The following GIGYF2 variants were observed in gnomAD, a reference collection of about 807,000 sequenced individuals.
GIGYF2 encodes the protein GRB10 interacting GYF protein 2.
In GIGYF2, 25 loss-of-function variants were observed where a neutral mutation model predicts 208.1. That is an observed-to-expected ratio of 0.12 (90% CI 0.09 to 0.17). GIGYF2 has a LOEUF of 0.17. Ranked by LOEUF, GIGYF2 falls within the 10% of genes least tolerant of loss-of-function variation. GIGYF2 has a pLI of 1.00. For synonymous variants in GIGYF2, 534 were observed against 543.8 expected, an observed-to-expected ratio of 0.98 and a Z score of 0.25; for missense variants, 1,302 against 1,579.4, an observed-to-expected ratio of 0.82 and a Z score of 2.98.
intron 3 of GIGYF2, among the ~76,000 whole-genome samples, chr2:232,745,649 G>A (rs1325960813): frequency 1.3e-5 from 2 of 152,130 alleles, no homozygotes; most frequent in Admixed American, 1.3e-4. Flanking sequence ...TAGTATAAGA[G>A]GAAAATTTAT....
chr2:232,713,877 A>G (rs1382337582), intron 2 of GIGYF2, among the ~76,000 whole-genome samples: 2 of 152,036 alleles, frequency 1.3e-5, no homozygotes, highest in Non-Finnish European at 2.9e-5. Context: ...GTTGACCTTC[A>G]TACTTTGCTA....
intron 8 of GIGYF2, among the ~76,000 whole-genome samples, chr2:232,762,226 CTTTT>C (rs536168638): frequency 2.2e-5 from 2 of 92,888 alleles, no homozygotes; most frequent in African/African-American, 3.9e-5. Flanking sequence ...TTAATCATGT[CTTTT>C]TTTTTTTGTT....
At chr2:232,854,190 C>G (rs1421670361) in intron 28 of GIGYF2, among the ~76,000 whole-genome samples, 1 of 152,128 alleles carries the variant, frequency 6.6e-6, no homozygotes, top group East Asian at 1.9e-4. Flanking sequence ...TTAACTGTTA[C>G]TTTAAAAACA....
intron 12 of GIGYF2, among the ~76,000 whole-genome samples, chr2:232,792,373 T>G (rs1342864907): frequency 6.6e-6 from 1 of 152,212 alleles, no homozygotes; most frequent in Non-Finnish European, 1.5e-5. Context: ...TAGACTAATA[T>G]TTTGAGAGCT....
At chr2:232,751,990 G>T (rs1698349783) in intron 5 of GIGYF2, among the ~76,000 whole-genome samples, 1 of 152,168 alleles carries the variant, frequency 6.6e-6, no homozygotes, top group Admixed American at 6.5e-5. Flanking sequence ...TTGTTCTTAT[G>T]ATAGAAATAT....
intron 2 of GIGYF2, among the ~76,000 whole-genome samples, chr2:232,703,730 A>G (rs976182449): frequency 2.4e-4 from 36 of 152,316 alleles, no homozygotes; most frequent in African/African-American, 8.7e-4. Flanking sequence ...GGCAAGAAAC[A>G]AGGAGGAATG....
Position 232,806,754 on chromosome 2 carries a change from T to C in GIGYF2, c.1806+97T>C. 2.3e-6 allele frequency: 2 copies of C among 853,634 alleles called. No individual in the cohort carries two copies. Among genetic ancestry groups the C allele is most frequent in the Non-Finnish European group, 4.0e-6 (2 of 494,382 alleles). 52.9% of individuals were successfully genotyped at this position (853,634 alleles called of 1,614,324 possible). On this transcript the variant is annotated intron_variant, in intron 15 of 28. Coordinates refer to ENST00000373563, the MANE Select transcript of GIGYF2 (RefSeq NM_001103146.3). This position sits in a 1 kb window ranked among gnomAD's most constrained non-coding sequence, Gnocchi z 4.0. ...CCAAATATATCATCTAATGAAGGAA[T>C]TGTAGTTCTTTGAAATTAATGGAAA...
intron 22 of GIGYF2, among the ~76,000 whole-genome samples, chr2:232,835,862 C>T (rs1320885304): frequency 6.6e-6 from 1 of 152,066 alleles, no homozygotes; most frequent in African/African-American, 2.4e-5. Context: ...GTTCTTAACC[C>T]ATTTCCCGTT....
At chr2:232,786,363 G>A (rs1699908087) in intron 8 of GIGYF2, among the ~76,000 whole-genome samples, 1 of 152,098 alleles carries the variant, frequency 6.6e-6, no homozygotes, top group African/African-American at 2.4e-5. Flanking sequence ...TCAGCCTCCT[G>A]AGTAGCTGGG....
At position 232,836,296 on chromosome 2, in the gene GIGYF2, AT is replaced by A. The variant is rs1559160429; in HGVS notation, c.2766+3204del. Among the ~76,000 whole-genome samples the A allele has an allele frequency of 1.9e-3, 38 of 19,572 alleles. 7 individuals carry two copies. Among genetic ancestry groups the A allele is most frequent in the African/African-American group, 3.1e-3 (16 of 5,228 alleles). 12.8% of individuals were successfully genotyped at this position (19,572 alleles called of 152,430 possible). On this transcript the variant is annotated intron_variant, in intron 22 of 28. Transcript: ENST00000373563. The stretch of plus-strand genomic sequence containing the variant: ...TATATATATATATATATATATATAT[AT>A]ATATATATATATATATATATATATA...
intron 2 of GIGYF2, among the ~76,000 whole-genome samples, chr2:232,706,653 C>A (rs1696125809): frequency 6.6e-6 from 1 of 152,044 alleles, no homozygotes; most frequent in Non-Finnish European, 1.5e-5. Context: ...TGGCACGTGC[C>A]TGTAGTCTCA....
At chr2:232,776,675 G>A (rs1699528766) in intron 8 of GIGYF2, 1 of 553,004 alleles carries the variant, frequency 1.8e-6, no homozygotes, top group Non-Finnish European at 3.2e-6. Flanking sequence ...CTCTGATCAT[G>A]TGGAAAAGAA....
intron 8 of GIGYF2, among the ~76,000 whole-genome samples, chr2:232,773,494 G>A (rs1460720840): frequency 9.2e-5 from 14 of 151,944 alleles, no homozygotes; most frequent in Admixed American, 7.9e-4. Context: ...TACAGGAAGC[G>A]TTTGGTGAAA....
rs750073716 is a variant in GIGYF2 at position 232,816,946 on chromosome 2, C to CGAA, written c.2287_2289dup (p.Arg763dup). On this transcript the variant is annotated inframe_insertion, in exon 20 of 29. Coordinates refer to ENST00000373563, the MANE Select transcript of GIGYF2 (RefSeq NM_001103146.3). The stretch of plus-strand genomic sequence containing the variant: ...AGAGCGAAAGAGGCAGGAAGAACTC[C>CGAA]GAAGACAACAGGAGGAAATTCTTCG... The CGAA allele has an allele frequency of 1.2e-6, 2 of 1,611,848 alleles. No homozygotes were observed. Among genetic ancestry groups the CGAA allele is most frequent in the Admixed American group, 3.3e-5 (2 of 59,976 alleles).
chr2:232,802,898 ATT>A lies in GIGYF2; in HGVS notation c.1640-3576_1640-3575del, dbSNP rs35474409. On this transcript the variant is annotated intron_variant, in intron 14 of 28. Transcript: ENST00000373563. The stretch of plus-strand genomic sequence containing the variant: ...GGGCAGGGCTTTCCTTTGTCCAGAG[ATT>A]TTTTTTTTTTTTTTTTAAAGACAGA... 1.4e-3 allele frequency among the ~76,000 whole-genome samples: 198 copies of A among 143,714 alleles called. 2 individuals carry two copies. The highest frequency in any genetic ancestry group is 4.0e-3 in the African/African-American group (157 of 38,916). 94.3% of individuals were successfully genotyped at this position (143,714 alleles called of 152,430 possible). A position where few individuals can be genotyped will look rare whatever the true frequency, so the allele number is the denominator to read the frequency against.
intron 5 of GIGYF2, among the ~76,000 whole-genome samples, chr2:232,753,791 T>A (rs776693207): frequency 9.2e-5 from 14 of 152,300 alleles, no homozygotes; most frequent in Middle Eastern, 3.4e-3. Context: ...GTGTTCCTAA[T>A]TACAAGTATG....
intron 8 of GIGYF2, among the ~76,000 whole-genome samples, chr2:232,784,420 T>C (rs1318213590): frequency 5.8e-5 from 7 of 120,108 alleles, no homozygotes; most frequent in East Asian, 2.7e-4. Context: ...GACGGAGTCT[T>C]GCTCTGTCAC....
intron 2 of GIGYF2, among the ~76,000 whole-genome samples, chr2:232,733,345 A>T (rs115700202): frequency 6.6e-6 from 1 of 151,802 alleles, no homozygotes; most frequent in African/African-American, 2.4e-5. Context: ...GTGGGGGAGC[A>T]GGGAGTCAGG....
intron 2 of GIGYF2, among the ~76,000 whole-genome samples, chr2:232,709,879 G>T (rs571896016): frequency 9.1e-4 from 139 of 152,054 alleles, no homozygotes; most frequent in Non-Finnish European, 1.7e-3. Context: ...TGATCCTCCC[G>T]CCTTGGCTTC....
Sources: allele counts gnomAD v4.1 joint callset (sites outside exome capture counted in the v4.1 genomes callset), GRCh38; gene constraint gnomAD v4.1.1; non-coding constraint Gnocchi (gnomAD v3.1); transcripts MANE v1.5; gene names NCBI Gene and HGNC (gene_info 2026-07-23, HGNC 2026-07-21).